BPIFC: variants seen among roughly 807,000 people sequenced by gnomAD.
BPIFC encodes BPI fold-containing family C protein.
Under a neutral mutation model 57.6 loss-of-function variants are expected in BPIFC, and 60 were observed. That is an observed-to-expected ratio of 1.04 (90% CI 0.85 to 1.29). BPIFC has a LOEUF of 1.29. Ranked by LOEUF, BPIFC falls within the 50% of genes most tolerant of loss-of-function variation. BPIFC has a pLI of 0.00. For missense variants in BPIFC, 581 were observed against 600.5 expected (o/e 0.97, Z 0.34); for synonymous variants, 243 against 224.5 (o/e 1.08, Z -0.74).
In BPIFC at chr22:32,424,647, CTTCTTCTTCTTCTTCTTCTTCTTCT is replaced by C. The variant is rs1933967009; in HGVS notation, c.1218-5268_1218-5244del. On this transcript the variant is annotated intron_variant, in intron 13 of 16. Coordinates refer to ENST00000300399, the MANE Select transcript of BPIFC (RefSeq NM_174932.3). ...CTCCTCCTCTTCTTCTTCTTCTCTT[CTTCTTCTTCTTCTTCTTCTTCTTCT>C]TCTTCTTCTTCTTCTTCTTCCTCTT... is the stretch of plus-strand genomic sequence containing the variant. Among the ~76,000 whole-genome samples the C allele has an allele frequency of 5.8e-4, 26 of 44,670 alleles. 7 individuals are homozygous for C. The highest frequency in any genetic ancestry group is 9.1e-3 in the Middle Eastern group (1 of 110). 29.3% of individuals were successfully genotyped at this position (44,670 alleles called of 152,430 possible).
intron 10 of BPIFC, among the ~76,000 whole-genome samples, chr22:32,434,074 A>T (rs1934318632): frequency 9.9e-6 from 1 of 100,834 alleles, no homozygotes; most frequent in African/African-American, 3.8e-5. Context: ...AGTACAACAA[A>T]GTTTTAGTTA....
chr22:32,428,330 G>C (rs1316367631), intron 13 of BPIFC, among the ~76,000 whole-genome samples: 2 of 151,712 alleles, frequency 1.3e-5, no homozygotes, highest in African/African-American at 4.8e-5. Context: ...CGCCCAGATT[G>C]AGATCATAGC....
chr22:32,440,862 C>T (rs1268266629), intron 8 of BPIFC, among the ~76,000 whole-genome samples: 1 of 152,192 alleles, frequency 6.6e-6, no homozygotes, highest in Non-Finnish European at 1.5e-5. Flanking sequence ...CTGCACTCAT[C>T]TCTTAAGTAG....
At chr22:32,436,414 AAGAAGGAGAAGG>A (rs201728227) in intron 9 of BPIFC, among the ~76,000 whole-genome samples, 12 of 150,392 alleles carry the variant, frequency 8.0e-5, no homozygotes, top group East Asian at 2.0e-4. Context: ...GAGGAGGGAA[AAGAAGGAGAAGG>A]AGAAGGAGAA....
intron 8 of BPIFC, among the ~76,000 whole-genome samples, chr22:32,442,000 C>T (rs1934579068): frequency 6.6e-6 from 1 of 152,224 alleles, no homozygotes; most frequent in African/African-American, 2.4e-5. Flanking sequence ...GGAGGCAGAG[C>T]TCAGGCAGTA....
At position 32,435,841 on chromosome 22, in the gene BPIFC, A is replaced by AG. The variant is rs199560755; in HGVS notation, c.786dup (p.Phe263LeufsTer26). ...GGGAGCACAAAAGGAACTGGTGAGA[A>AG]GGGGGGGTCGGTGAGGTTTTCCAGT... is the stretch of plus-strand genomic sequence containing the variant. On this transcript the variant is annotated frameshift_variant, in exon 10 of 17. Transcript: ENST00000300399. LOFTEE classifies it high-confidence loss of function. 5.1e-4 allele frequency: 822 copies of AG among 1,614,056 alleles called. 6 individuals carry two copies. The East Asian group carries it at 0.011, about 22-fold the overall frequency.
rs1440619156 is a variant in BPIFC at position 32,424,662 on chromosome 22, CT to C, written c.1218-5259del. Among the ~76,000 whole-genome samples the C allele has an allele frequency of 6.0e-4, 41 of 67,938 alleles. 3 individuals are homozygous for C. The highest frequency in any genetic ancestry group is 3.4e-3 in the African/African-American group (36 of 10,440). 44.6% of individuals were successfully genotyped at this position (67,938 alleles called of 152,430 possible). ...TTCTTCTCTTCTTCTTCTTCTTCTT[CT>C]TCTTCTTCTTCTTCTTCTTCTTCTT... On this transcript the variant is annotated intron_variant, in intron 13 of 16. Transcript: ENST00000300399.
rs1313833818 is a variant in BPIFC, at chr22:32,446,013, A to G, written c.375-17T>C. On this transcript the variant is annotated splice_polypyrimidine_tract_variant and intron_variant, in intron 5 of 16. Transcript: ENST00000300399. ...GTGTCTTGGCTGTTTAAAGAAGTGC[A>G]AGGTTATCCAAGCCTGAGTCAGGCA... 9.9e-6 allele frequency: 16 copies of G among 1,612,582 alleles called. No individual in the cohort carries two copies. Among genetic ancestry groups the G allele is most frequent in the Non-Finnish European group, 1.2e-5 (14 of 1,179,032 alleles).
At chr22:32,428,353 C>T (rs990859069) in intron 13 of BPIFC, among the ~76,000 whole-genome samples, 4 of 151,730 alleles carry the variant, frequency 2.6e-5, no homozygotes, top group Admixed American at 6.6e-5. Flanking sequence ...ACTGCAGCCT[C>T]GACTTCTTGG....
intron 9 of BPIFC, among the ~76,000 whole-genome samples, chr22:32,436,986 A>G (rs543109652): frequency 1.6e-4 from 24 of 152,374 alleles, no homozygotes; most frequent in African/African-American, 5.5e-4. Flanking sequence ...CATAACCACA[A>G]TGATTGTTTT....
intron 13 of BPIFC, among the ~76,000 whole-genome samples, chr22:32,429,886 G>C (rs868187902): frequency 6.6e-6 from 1 of 152,036 alleles, no homozygotes; most frequent in Non-Finnish European, 1.5e-5. Context: ...CCCCTCTGCT[G>C]GTTTCTCAGA....
intron 13 of BPIFC, among the ~76,000 whole-genome samples, chr22:32,430,406 T>C (rs1934206159): frequency 6.6e-6 from 1 of 151,854 alleles, no homozygotes; most frequent in Admixed American, 6.6e-5. Context: ...AGAACTGAAG[T>C]TTATATTGCT....
At chr22:32,460,579 AC>A (rs1935139150) in intron 2 of BPIFC, among the ~76,000 whole-genome samples, 1 of 152,170 alleles carries the variant, frequency 6.6e-6, no homozygotes, top group African/African-American at 2.4e-5. Flanking sequence ...AAACTGAACT[AC>A]TGGTCCCTAA....
At chr22:32,450,352 T>A (rs1301614259) in intron 4 of BPIFC, among the ~76,000 whole-genome samples, 1 of 152,218 alleles carries the variant, frequency 6.6e-6, no homozygotes, top group Non-Finnish European at 1.5e-5. Flanking sequence ...AGCTATACCA[T>A]CTAGGTTCGT....
intron 4 of BPIFC, among the ~76,000 whole-genome samples, chr22:32,450,365 A>C (rs1363255865): frequency 6.6e-6 from 1 of 152,200 alleles, no homozygotes; most frequent in Non-Finnish European, 1.5e-5. Context: ...AGGTTCGTGT[A>C]AATACACCGT....
chr22:32,457,258 C>G lies in BPIFC; in HGVS notation c.124+5G>C. On this transcript the variant is annotated splice_donor_5th_base_variant and intron_variant, in intron 3 of 16. Transcript: ENST00000300399. ...AGGTCTGGCTTCTGAAAACATCCAA[C>G]TCACCATAGTCAAGTGCCCTCTGAG... 1 of 1,591,782 alleles carries G rather than the reference C, an allele frequency of 6.3e-7. No individual in the cohort carries two copies. Among genetic ancestry groups the G allele is most frequent in the Non-Finnish European group, 8.5e-7 (1 of 1,174,664 alleles).
At chr22:32,435,988 G>C in intron 9 of BPIFC, 108 bp from the exon 10 acceptor site, 1 of 1,291,310 alleles carries the variant, frequency 7.7e-7, no homozygotes, top group Non-Finnish European at 1.1e-6. Context: ...CAGAAGCTCG[G>C]GCCAGGTGTG....
At chr22:32,434,378 T>TTTATATATA (rs1468697619) in intron 10 of BPIFC, among the ~76,000 whole-genome samples, 4 of 145,820 alleles carry the variant, frequency 2.7e-5, no homozygotes, top group Non-Finnish European at 5.9e-5. Flanking sequence ...ATATTCTTTA[T>TTTATATATA]TTATATATAT....
Position 32,453,494 on chromosome 22 carries a change from G to T in BPIFC, c.134C>A (p.Ala45Asp). 6.3e-7 allele frequency: 1 copy of T among 1,594,916 alleles called. No homozygotes were observed. The highest frequency in any genetic ancestry group is 8.5e-7 in the Non-Finnish European group (1 of 1,173,822). ...TQRALDYGVQAGMKMIEQMLK... is the reference protein window; with the variant it reads ...TQRALDYGVQDGMKMIEQMLK... The stretch of plus-strand genomic sequence containing the variant: ...CATTTGCTCAATCATCTTCATTCCA[G>T]CTTGAACACCTGTGAAGGAAACAAG... Residue 45 changes from alanine to aspartate, a missense_variant, in exon 4 of 17, where the codon GCT becomes GAT. Physicochemically the swap from Ala to Asp is moderately radical, Grantham distance 126. Coordinates refer to ENST00000300399, the MANE Select transcript of BPIFC (RefSeq NM_174932.3).
Sources: allele counts gnomAD v4.1 joint callset (sites outside exome capture counted in the v4.1 genomes callset), GRCh38; gene constraint gnomAD v4.1.1; transcripts MANE v1.5; gene names NCBI Gene and HGNC (gene_info 2026-07-23, HGNC 2026-07-21).